TEAD2: variants seen among roughly 807,000 people sequenced by gnomAD.
TEAD2 encodes TEA domain transcription factor 2.
TEAD2 carries 51 observed loss-of-function variants against 61.4 expected under a neutral mutation model. The ratio of observed to expected loss-of-function variants is 0.83; its 90% CI spans 0.66 to 1.05. The LOEUF (loss-of-function observed/expected upper bound fraction) is 1.05, where lower values mean the gene tolerates loss of function less well. Ranked by LOEUF, TEAD2 falls within the 50% of genes least tolerant of loss-of-function variation. TEAD2 has a pLI of 0.00. For missense variants in TEAD2, 509 were observed against 600.0 expected (o/e 0.85, Z 1.58); for synonymous variants, 244 against 243.2 (o/e 1.00, Z -0.03).
Position 49,347,230 on chromosome 19 carries a change from T to C in TEAD2, c.881A>G (p.Asp294Gly). The C allele has an allele frequency of 6.2e-7, 1 of 1,614,036 alleles. No homozygotes were observed. The highest frequency in any genetic ancestry group is 1.6e-4 in the Middle Eastern group (1 of 6,062). Residue 294 changes from aspartate to glycine, a missense_variant, in exon 10 of 13, where the codon GAT (aspartate) becomes GGT (glycine). Physicochemically the swap from Asp to Gly is moderately conservative, Grantham distance 94. Transcript: ENST00000593945. ...EKKGGLRELYDRGPPHAFFLV... is the reference protein window; with the variant it reads ...EKKGGLRELYGRGPPHAFFLV... ...GAAGAAGGCATGGGGGGGGCCACGA[T>C]CATATAGCTCTCGGAGGCCACCCTT...
intron 10 of TEAD2, 31 bp downstream of exon 10, chr19:49,347,159 G>A (rs762991439): frequency 5.0e-6 from 8 of 1,609,140 alleles, no homozygotes; most frequent in African/African-American, 4.0e-5. Context: ...CAGGATTTGT[G>A]AGCACTTTTG....
In TEAD2 at chr19:49,345,373, G is replaced by A. The variant is rs536711771; in HGVS notation, c.921+1817C>T. Among the ~76,000 whole-genome samples, 10 of 144,782 alleles carry A rather than the reference G, an allele frequency of 6.9e-5. No homozygotes were observed. In the South Asian group the frequency reaches 8.8e-4, roughly 13 times the overall value. 95.0% of individuals were successfully genotyped at this position (144,782 alleles called of 152,430 possible). On this transcript the variant is annotated intron_variant, in intron 10 of 12. Transcript: ENST00000593945. The stretch of plus-strand genomic sequence containing the variant: ...CTTCCTTTCTTCCTTTCTTTCTTTC[G>A]GCAGGGTCTCATTCTGTCACCCAGG...
chr19:49,359,395 G>T lies in TEAD2; in HGVS notation c.297+40C>A. ...ATGCGAGGATGACCCTAAGAAGACC[G>T]GCCCATCCCAGACAGAAGCCCACAA... On this transcript the variant is annotated intron_variant, in intron 3 of 12. Transcript: ENST00000593945. The surrounding 1 kb of genome is among the most constrained non-coding windows in gnomAD (Gnocchi z 4.1). The T allele has an allele frequency of 6.2e-7, 1 of 1,605,456 alleles. No individual in the cohort carries two copies. Among genetic ancestry groups the T allele is most frequent in the Non-Finnish European group, 8.5e-7 (1 of 1,172,570 alleles).
At chr19:49,350,321 A>T (rs1600733477) in intron 8 of TEAD2, among the ~76,000 whole-genome samples, 2 of 151,834 alleles carry the variant, frequency 1.3e-5, no homozygotes, top group East Asian at 1.9e-4. Flanking sequence ...TTTTTATTTT[A>T]TTTATTTATT....
At position 49,341,301 on chromosome 19, in the gene TEAD2, T is replaced by C. The variant is rs748676478; in HGVS notation, c.*23A>G. 1 of 1,600,878 alleles carries C rather than the reference T, an allele frequency of 6.2e-7. No homozygotes were observed. The highest frequency in any genetic ancestry group is 1.3e-5 in the African/African-American group (1 of 74,442). On this transcript the variant is annotated 3_prime_UTR_variant, in exon 13 of 13. Transcript: ENST00000593945. This position sits in a 1 kb window ranked among gnomAD's most constrained non-coding sequence, Gnocchi z 4.2. Reference sequence around the variant, plus strand: ...CCTGGGAGGAGGGTGTTCTGGGGGGTGAGCCAGTTTTGGGGTCCCCCTTCA... The same window carrying C: ...CCTGGGAGGAGGGTGTTCTGGGGGGCGAGCCAGTTTTGGGGTCCCCCTTCA...
At chr19:49,349,631 T>A (rs1971883336) in intron 8 of TEAD2, among the ~76,000 whole-genome samples, 1 of 152,090 alleles carries the variant, frequency 6.6e-6, no homozygotes, top group Admixed American at 6.6e-5. Flanking sequence ...GGAGCCTGGC[T>A]TCGCTCTCTT....
Position 49,355,181 on chromosome 19 carries a change from G to A in TEAD2, c.506C>T (p.Ser169Phe). 6.2e-7 allele frequency: 1 copy of A among 1,612,316 alleles called. No homozygotes were observed. The highest frequency in any genetic ancestry group is 8.5e-7 in the Non-Finnish European group (1 of 1,179,122). ...PQASELFQFW[S>F]GGSGPPWNVP... ...ATTCCAGGGGGGCCCAGATCCTCCA[G>A]ACCAAAACTGGAAAAGCTCAGAGGC... The change falls in exon 7 of 13, where the codon TCT (serine) becomes TTT (phenylalanine). Residue 169 changes from serine to phenylalanine, a missense_variant. Physicochemically the swap from Ser to Phe is radical, Grantham distance 155. Coordinates refer to ENST00000593945, the MANE Select transcript of TEAD2 (RefSeq NM_001256660.2).
At position 49,347,237 on chromosome 19, in the gene TEAD2, G is replaced by A; in HGVS notation, c.874C>T (p.Leu292=). ...GCATGGGGGGGGCCACGATCATATA[G>A]CTCTCGGAGGCCACCCTTTTTCTCA... ...FPEKKGGLRE[L]YDRGPPHAFF... The change falls in exon 10 of 13, where the codon CTA becomes TTA. Residue 292 remains leucine (L), a synonymous_variant. Transcript: ENST00000593945. 1 of 1,614,144 alleles carries A rather than the reference G, an allele frequency of 6.2e-7. No homozygotes were observed. Among genetic ancestry groups the A allele is most frequent in the Non-Finnish European group, 8.5e-7 (1 of 1,180,036 alleles).
At chr19:49,351,698 G>A (rs569285852) in intron 7 of TEAD2, among the ~76,000 whole-genome samples, 1 of 152,088 alleles carries the variant, frequency 6.6e-6, no homozygotes, top group South Asian at 2.1e-4. Context: ...AAAGAGAAGA[G>A]AAACCAGCCT....
intron 12 of TEAD2, 54 bp downstream of exon 12, chr19:49,342,384 G>C: frequency 6.3e-7 from 1 of 1,592,750 alleles, no homozygotes. Flanking sequence ...GTCTGTTATA[G>C]GTACTGTCCC....
rs1474080670 is a variant in TEAD2 at position 49,360,067 on chromosome 19, T to A, written c.9A>T (p.Glu3Asp). 1 of 1,604,954 alleles carries A rather than the reference T, an allele frequency of 6.2e-7. No individual in the cohort carries two copies. Among genetic ancestry groups the A allele is most frequent in the African/African-American group, 1.3e-5 (1 of 75,028 alleles). The change falls in exon 2 of 13, where the codon GAA (glutamate) becomes GAT (aspartate). Residue 3 changes from glutamate to aspartate, a missense_variant. Glu to Asp is a conservative substitution (Grantham distance 45, BLOSUM62 2). Transcript: ENST00000593945. MG[E>D]PRAGAALDDG... is the part of the protein sequence containing the mutation. ...CGTCCAGGGCGGCCCCAGCCCGGGG[T>A]TCCCCCATCTGGGCCTGGAGGAACA...
intron 5 of TEAD2, 146 bp from the exon 6 acceptor site, chr19:49,355,565 G>A (rs1478490552): frequency 1.0e-5 from 7 of 691,420 alleles, no homozygotes; most frequent in African/African-American, 7.1e-5. Context: ...GGTGGCTCAC[G>A]CCTGTAATCC....
Position 49,355,140 on chromosome 19 carries a change from G to C in TEAD2, c.539+8C>G. The C allele has an allele frequency of 6.2e-7, 1 of 1,605,620 alleles. No individual in the cohort carries two copies. Among genetic ancestry groups the C allele is most frequent in the African/African-American group, 1.3e-5 (1 of 74,754 alleles). ...GGCAGGTGCTGAGCCAGGACACATAGTACTCACTCTGGAACATTCCAGGGG... is the reference window on the plus strand; with the variant it reads ...GGCAGGTGCTGAGCCAGGACACATACTACTCACTCTGGAACATTCCAGGGG... On this transcript the variant is annotated splice_region_variant and intron_variant, in intron 7 of 12. Transcript: ENST00000593945.
intron 4 of TEAD2, among the ~76,000 whole-genome samples, chr19:49,356,888 C>T (rs1290899798): frequency 3.3e-5 from 5 of 152,174 alleles, no homozygotes; most frequent in African/African-American, 9.6e-5. Flanking sequence ...ATGACTGCAC[C>T]CCCCGCCCTG....
intron 8 of TEAD2, 130 bp downstream of exon 8, chr19:49,351,171 C>T: frequency 1.1e-6 from 1 of 892,392 alleles, no homozygotes; most frequent in Non-Finnish European, 1.7e-6. Context: ...GAGGGAGACT[C>T]CATCTCAAAA....
At chr19:49,348,626 C>T in intron 9 of TEAD2, 77 bp downstream of exon 9, 1 of 1,338,242 alleles carries the variant, frequency 7.5e-7, no homozygotes, top group South Asian at 1.2e-5. Flanking sequence ...GTTTTAAAAC[C>T]ATGACTTTAT....
chr19:49,358,636 C>CTTT (rs113776627), intron 3 of TEAD2, among the ~76,000 whole-genome samples: 2 of 141,060 alleles, frequency 1.4e-5, no homozygotes, highest in African/African-American at 2.6e-5. Context: ...TTCTTTCTTT[C>CTTT]TTTTTTTTTT....
intron 8 of TEAD2, chr19:49,349,127 T>C (rs1936396647): frequency 1.0e-5 from 3 of 300,238 alleles, no homozygotes; most frequent in Non-Finnish European, 1.8e-5. Context: ...GCTTGGGAGA[T>C]TGATATGGTT....
At chr19:49,343,111 C>A in intron 11 of TEAD2, 120 bp downstream of exon 11, 3 of 1,228,500 alleles carry the variant, frequency 2.4e-6, no homozygotes, top group East Asian at 2.5e-5. Context: ...TGCATTAAAC[C>A]CTCAAAGAGG....
Sources: allele counts gnomAD v4.1 joint callset (sites outside exome capture counted in the v4.1 genomes callset), GRCh38; gene constraint gnomAD v4.1.1; non-coding constraint Gnocchi (gnomAD v3.1); transcripts MANE v1.5; gene names NCBI Gene and HGNC (gene_info 2026-07-23, HGNC 2026-07-21).